MACROD2: variants seen among roughly 807,000 people sequenced by gnomAD.
The protein encoded by MACROD2 is mono-ADP ribosylhydrolase 2.
A neutral mutation model predicts 70.4 loss-of-function variants in MACROD2; 36 were observed. That is an observed-to-expected ratio of 0.51 (90% CI 0.39 to 0.68). MACROD2 has a LOEUF of 0.68. Ranked by LOEUF, MACROD2 falls within the 30% of genes least tolerant of loss-of-function variation. MACROD2 has a pLI of 0.00. For missense variants in MACROD2, 496 were observed against 538.4 expected, an observed-to-expected ratio of 0.92 and a Z score of 0.78; for synonymous variants, 172 against 178.8, an observed-to-expected ratio of 0.96 and a Z score of 0.30.
intron 8 of MACROD2, among the ~76,000 whole-genome samples, chr20:15,609,061 C>G (rs1422752265): frequency 3.8e-4 from 58 of 152,126 alleles, no homozygotes; most frequent in Admixed American, 3.8e-3. Context: ...TTCACCTGCT[C>G]TATTCCTCCA....
chr20:15,018,806 C>T (rs140764436), intron 5 of MACROD2, among the ~76,000 whole-genome samples: 2 of 152,292 alleles, frequency 1.3e-5, no homozygotes, highest in African/African-American at 2.4e-5. Context: ...TGGCAACACC[C>T]ACACAGACAC....
chr20:15,705,995 G>C (rs1291267091), intron 8 of MACROD2, among the ~76,000 whole-genome samples: 2 of 152,094 alleles, frequency 1.3e-5, no homozygotes, highest in Admixed American at 1.3e-4. Flanking sequence ...AAAACATAAA[G>C]ATATTTTGCA....
chr20:14,500,913 A>T (rs1600308067), intron 4 of MACROD2, among the ~76,000 whole-genome samples: 1 of 152,216 alleles, frequency 6.6e-6, no homozygotes, highest in East Asian at 1.9e-4. Flanking sequence ...ATTCTATCAC[A>T]TATAGTAGGT....
At chr20:15,774,511 A>C (rs538876638) in intron 8 of MACROD2, among the ~76,000 whole-genome samples, 3 of 152,236 alleles carry the variant, frequency 2.0e-5, no homozygotes, top group Non-Finnish European at 2.9e-5. Context: ...GATGGGTCCA[A>C]ATTCCCCAAG....
At chr20:15,328,286 G>T (rs6043209) in intron 6 of MACROD2, among the ~76,000 whole-genome samples, 7 of 151,884 alleles carry the variant, frequency 4.6e-5, no homozygotes, top group African/African-American at 1.5e-4. Context: ...TGGACACTGT[G>T]GCCAGAGGGA....
chr20:15,409,893 G>A (rs373355457), intron 6 of MACROD2, among the ~76,000 whole-genome samples: 1 of 152,318 alleles, frequency 6.6e-6, no homozygotes. Flanking sequence ...CATCAACAGC[G>A]TGTGTTAAGC....
intron 5 of MACROD2, among the ~76,000 whole-genome samples, chr20:14,814,978 T>A (rs1428384684): frequency 6.6e-6 from 1 of 152,078 alleles, no homozygotes; most frequent in East Asian, 1.9e-4. Flanking sequence ...AAAGCTTATG[T>A]CATCACAGTG....
chr20:15,924,709 A>G (rs2065462846), intron 10 of MACROD2, among the ~76,000 whole-genome samples: 1 of 152,222 alleles, frequency 6.6e-6, no homozygotes, highest in Non-Finnish European at 1.5e-5. Flanking sequence ...ACAAAGCTAT[A>G]TAACAGCTTT....
intron 6 of MACROD2, among the ~76,000 whole-genome samples, chr20:15,405,087 C>G (rs1334310727): frequency 6.6e-6 from 1 of 151,960 alleles, no homozygotes; most frequent in African/African-American, 2.4e-5. Flanking sequence ...TAGGCAAATC[C>G]ATACACACAG....
intron 3 of MACROD2, among the ~76,000 whole-genome samples, chr20:14,285,884 G>A (rs1378830914): frequency 6.6e-6 from 1 of 151,670 alleles, no homozygotes; most frequent in Non-Finnish European, 1.5e-5. Context: ...GTATATCTTT[G>A]TACAAAGCTG....
intron 6 of MACROD2, among the ~76,000 whole-genome samples, chr20:15,406,836 GC>G (rs1297688773): frequency 6.6e-6 from 1 of 152,156 alleles, no homozygotes; most frequent in African/African-American, 2.4e-5. Context: ...AAGTACCCTG[GC>G]CCTCTTATAA....
intron 8 of MACROD2, among the ~76,000 whole-genome samples, chr20:15,506,528 A>T (rs1301028601): frequency 6.6e-6 from 1 of 152,220 alleles, no homozygotes; most frequent in African/African-American, 2.4e-5. Flanking sequence ...CTTTGAGCAT[A>T]TGCAGTGTTA....
intron 3 of MACROD2, among the ~76,000 whole-genome samples, chr20:14,312,251 T>C (rs1422670667): frequency 1.3e-5 from 2 of 152,146 alleles, no homozygotes; most frequent in African/African-American, 4.8e-5. Context: ...TCTGGGTGAC[T>C]TGTATCATCA....
chr20:14,068,757 C>T (rs1169730294), intron 2 of MACROD2, among the ~76,000 whole-genome samples: 2 of 152,032 alleles, frequency 1.3e-5, no homozygotes, highest in Non-Finnish European at 2.9e-5. Context: ...GAGAGTACCA[C>T]AGATTGGGGA....
At chr20:15,947,637 C>G (rs1243234292) in intron 12 of MACROD2, among the ~76,000 whole-genome samples, 1 of 152,142 alleles carries the variant, frequency 6.6e-6, no homozygotes, top group Non-Finnish European at 1.5e-5. Flanking sequence ...CAGTAACAGT[C>G]TGATCGCTCT....
rs3043659 is a variant in MACROD2 at position 14,141,747 on chromosome 20, G to GA, written c.271+56046dup. ...GCAACAATAGCAAAACTCCATCTCA[G>GA]AAAAAAAAAAAAAAAAAAAAAAAAA... On this transcript the variant is annotated intron_variant, in intron 3 of 17. Coordinates refer to ENST00000684519, the MANE Select transcript of MACROD2 (RefSeq NM_001351661.2). 1.2e-4 allele frequency among the ~76,000 whole-genome samples: 8 copies of GA among 66,826 alleles called. 1 individual carries two copies. The highest frequency in any genetic ancestry group is 4.2e-4 in the African/African-American group (7 of 16,488). The allele number at this position is 66,826 out of a possible 152,430, so 43.8% of individuals were successfully genotyped here. A position where few individuals can be genotyped will look rare whatever the true frequency, so the allele number is the denominator to read the frequency against.
At chr20:14,327,860 C>CT (rs1484010118) in intron 3 of MACROD2, among the ~76,000 whole-genome samples, 1 of 151,918 alleles carries the variant, frequency 6.6e-6, no homozygotes, top group African/African-American at 2.4e-5. Flanking sequence ...TTTAATTATA[C>CT]TTTATATCAA....
chr20:15,132,484 G>A (rs2076113902), intron 5 of MACROD2, among the ~76,000 whole-genome samples: 1 of 151,848 alleles, frequency 6.6e-6, no homozygotes, highest in Admixed American at 6.6e-5. Flanking sequence ...CAATACCTTA[G>A]GCCATACACG....
rs145494497 is a variant in MACROD2, at chr20:14,922,349, G to A, written c.418+237390G>A. 2.0e-4 allele frequency among the ~76,000 whole-genome samples: 30 copies of A among 152,194 alleles called. No homozygotes were observed. In the East Asian group the frequency reaches 5.8e-3, roughly 29 times the overall value. On this transcript the variant is annotated intron_variant, in intron 5 of 17. Transcript: ENST00000684519. ...TAGGTATTCATAAGGTGATTAGAAT[G>A]CAACGGTTACATGGCTTCTTAACCA...
Sources: allele counts gnomAD v4.1 joint callset (sites outside exome capture counted in the v4.1 genomes callset), GRCh38; gene constraint gnomAD v4.1.1; transcripts MANE v1.5; gene names NCBI Gene and HGNC (gene_info 2026-07-23, HGNC 2026-07-21).